OTUD7B: variants seen among roughly 807,000 people sequenced by gnomAD.
OTUD7B encodes the protein OTU domain-containing protein 7B.
Under a neutral mutation model 82.2 loss-of-function variants are expected in OTUD7B, and 34 were observed. The ratio of observed to expected loss-of-function variants is 0.41; its 90% CI spans 0.31 to 0.55. OTUD7B has a LOEUF of 0.55. Among genes scored for constraint, OTUD7B ranks in the 20% least tolerant of loss-of-function variants. The pLI is 0.20. For missense variants in OTUD7B, 944 were observed against 1,062.1 expected (o/e 0.89, Z 1.55); for synonymous variants, 398 against 402.7 (o/e 0.99, Z 0.14).
At chr1:150,019,090 C>T in the OTUD7B span, among the ~76,000 whole-genome samples, 2 of 152,120 alleles carry the variant, frequency 1.3e-5, no homozygotes, top group Non-Finnish European at 2.9e-5. Context: ...TACTAGTGTC[C>T]CTGCTCAGAA....
intron 1 of OTUD7B, among the ~76,000 whole-genome samples, chr1:149,983,272 A>T (rs1371350204): frequency 6.6e-6 from 1 of 152,158 alleles, no homozygotes; most frequent in East Asian, 1.9e-4. Flanking sequence ...GCTCATGAGT[A>T]AAAACACAAC....
the OTUD7B span, among the ~76,000 whole-genome samples, chr1:150,022,191 A>G: frequency 6.6e-6 from 1 of 152,084 alleles, no homozygotes; most frequent in East Asian, 1.9e-4. Context: ...TGAGGTCGGG[A>G]GTTCGAGACC....
the OTUD7B span, among the ~76,000 whole-genome samples, chr1:150,057,359 C>T: frequency 6.6e-6 from 1 of 152,148 alleles, no homozygotes; most frequent in Non-Finnish European, 1.5e-5. Flanking sequence ...TGCAACTTTT[C>T]TGTAAGTTTT....
the OTUD7B span, among the ~76,000 whole-genome samples, chr1:150,042,508 AC>A: frequency 6.6e-6 from 1 of 151,628 alleles, no homozygotes; most frequent in Non-Finnish European, 1.5e-5. Context: ...GCAGATAGTT[AC>A]CTTTTTAGTT....
intron 1 of OTUD7B, among the ~76,000 whole-genome samples, chr1:149,985,507 GAGGA>G (rs1553780599): frequency 6.6e-6 from 1 of 152,158 alleles, no homozygotes; most frequent in Non-Finnish European, 1.5e-5. Context: ...GGAGACCACG[GAGGA>G]AGGATCACTT....
chr1:150,054,047 A>G, the OTUD7B span: 5 of 371,708 alleles, frequency 1.3e-5, no homozygotes, highest in East Asian at 2.4e-4. Context: ...TCCATCTGCT[A>G]TGTATTCCAG....
chr1:150,016,964 A>G, the OTUD7B span, among the ~76,000 whole-genome samples: 1 of 152,174 alleles, frequency 6.6e-6, no homozygotes, highest in Non-Finnish European at 1.5e-5. Context: ...TCAAGGCCCA[A>G]TCTGTATCAC....
chr1:149,981,377 T>C (rs1378027065), intron 1 of OTUD7B, among the ~76,000 whole-genome samples: 7 of 152,222 alleles, frequency 4.6e-5, no homozygotes, highest in African/African-American at 7.2e-5. Flanking sequence ...CTATAATGTC[T>C]ACTTTATTAC....
chr1:150,058,703 ATTGAGTT>A, the OTUD7B span, among the ~76,000 whole-genome samples: 1 of 152,218 alleles, frequency 6.6e-6, no homozygotes, highest in East Asian at 1.9e-4. Context: ...TCCCAAACAC[ATTGAGTT>A]TTAAGGAAAT....
intron 1 of OTUD7B, among the ~76,000 whole-genome samples, chr1:150,006,494 T>A (rs1559869702): frequency 6.6e-6 from 1 of 152,160 alleles, no homozygotes; most frequent in Admixed American, 6.5e-5. Context: ...AAACTCATAG[T>A]GGGTCACTAC....
rs587696394 is a variant in OTUD7B, at chr1:149,964,938, G to A, written c.605-589C>T. ...AGAGTCTTGCTTTGTTGCCCAGGCT[G>A]GAGTACAGTGGTGCGATCTCGGCTC... On this transcript the variant is annotated intron_variant, in intron 5 of 11. Transcript: ENST00000581312. 2.7e-5 allele frequency among the ~76,000 whole-genome samples: 4 copies of A among 149,484 alleles called. No homozygotes were observed. In the South Asian group the frequency reaches 8.5e-4, roughly 32 times the overall value.
At chr1:149,998,746 T>C (rs1553783949) in intron 1 of OTUD7B, among the ~76,000 whole-genome samples, 2 of 152,222 alleles carry the variant, frequency 1.3e-5, no homozygotes, top group African/African-American at 2.4e-5. Context: ...TTCTATAATA[T>C]ACTGGAAGCC....
chr1:149,998,441 C>T (rs1553783860), intron 1 of OTUD7B, among the ~76,000 whole-genome samples: 1 of 152,150 alleles, frequency 6.6e-6, no homozygotes, highest in Non-Finnish European at 1.5e-5. Flanking sequence ...TCTTATTGCC[C>T]TCCTAGGTAA....
the OTUD7B span, among the ~76,000 whole-genome samples, chr1:150,024,293 C>T: frequency 6.6e-6 from 1 of 152,106 alleles, no homozygotes; most frequent in Non-Finnish European, 1.5e-5. Flanking sequence ...ATAATAATGT[C>T]AAGGTAACAG....
the OTUD7B span, among the ~76,000 whole-genome samples, chr1:150,030,426 C>T: frequency 1.8e-4 from 27 of 152,290 alleles, no homozygotes; most frequent in African/African-American, 6.0e-4. Flanking sequence ...TAACATTCCC[C>T]GTTATTGTTC....
the OTUD7B span, among the ~76,000 whole-genome samples, chr1:150,047,259 A>G: frequency 1.3e-5 from 2 of 152,120 alleles, no homozygotes; most frequent in Non-Finnish European, 2.9e-5. Flanking sequence ...GATTACATGT[A>G]TCTTATTCCT....
chr1:150,059,149 G>A, the OTUD7B span, among the ~76,000 whole-genome samples: 16 of 149,504 alleles, frequency 1.1e-4, no homozygotes, highest in Admixed American at 1.1e-3. Flanking sequence ...TGCCGCCCAG[G>A]TTCAAGCGAT....
At position 149,986,273 on chromosome 1, in the gene OTUD7B, A is replaced by ACACACACG. The variant is rs1228786112; in HGVS notation, c.-66-8698_-66-8697insCGTGTGTG. Among the ~76,000 whole-genome samples the ACACACACG allele has an allele frequency of 2.5e-3, 385 of 151,294 alleles. 3 individuals are homozygous for ACACACACG. Among genetic ancestry groups the ACACACACG allele is most frequent in the African/African-American group, 9.0e-3 (370 of 41,072 alleles). On this transcript the variant is annotated intron_variant, in intron 1 of 11. Transcript: ENST00000581312. ...CACACACACACACACACACACACAC[A>ACACACACG]GTACTGTTGATAGTCTATCAGTGTT... is the stretch of plus-strand genomic sequence containing the variant.
intron 1 of OTUD7B, among the ~76,000 whole-genome samples, chr1:149,989,848 A>AC (rs1553781625): frequency 6.6e-6 from 1 of 151,494 alleles, no homozygotes; most frequent in Non-Finnish European, 1.5e-5. Context: ...TACTATCGTC[A>AC]TTTTTAAAAT....
Sources: allele counts gnomAD v4.1 joint callset (sites outside exome capture counted in the v4.1 genomes callset), GRCh38; gene constraint gnomAD v4.1.1; transcripts MANE v1.5; gene names NCBI Gene and HGNC (gene_info 2026-07-23, HGNC 2026-07-21).